Variants in P3H2 observed in about 807,000 individuals in gnomAD.
P3H2 encodes prolyl 3-hydroxylase 2.
Under a neutral mutation model 87.0 loss-of-function variants are expected in P3H2, and 80 were observed. The ratio of observed to expected loss-of-function variants is 0.92; its 90% confidence interval spans 0.77 to 1.11. The LOEUF (loss-of-function observed/expected upper bound fraction) is 1.11, where lower values mean the gene tolerates loss of function less well. Among genes scored for constraint, P3H2 ranks in the 50% least tolerant of loss-of-function variants. The pLI is 0.00. For synonymous variants in P3H2, 367 were observed against 359.3 expected (o/e 1.02, Z -0.24); for missense variants, 1,001 against 923.9 (o/e 1.08, Z -1.08).
At position 189,974,525 on chromosome 3, in the gene P3H2, G is replaced by C. The variant is rs377764873; in HGVS notation, c.1452+33C>G. On this transcript the variant is annotated intron_variant, in intron 9 of 14. Transcript: ENST00000319332. ...AGTTCCAGCTTCTTGGCAGGCCAGC[G>C]CAGTGAGCTCCCCTCCTTCTCCGGA... The C allele has an allele frequency of 1.9e-6, 3 of 1,612,196 alleles. No homozygotes were observed. The African/African-American group carries it at 4.0e-5, about 22-fold the overall frequency.
intron 1 of P3H2, among the ~76,000 whole-genome samples, chr3:190,058,108 A>G (rs181521825): frequency 1.3e-5 from 2 of 152,282 alleles, no homozygotes; most frequent in South Asian, 2.1e-4. Flanking sequence ...GAAAATCCCA[A>G]TATCACCTCA....
At chr3:190,065,759 C>T (rs1726478096) in intron 1 of P3H2, among the ~76,000 whole-genome samples, 1 of 152,074 alleles carries the variant, frequency 6.6e-6, no homozygotes, top group Non-Finnish European at 1.5e-5. Flanking sequence ...CAATAGCCTC[C>T]TATTTGGTCT....
chr3:189,987,479 TAAAAAAAAA>T, intron 5 of P3H2, 39 bp downstream of exon 5: 3 of 1,409,648 alleles, frequency 2.1e-6, no homozygotes, highest in Non-Finnish European at 2.9e-6. Context: ...AACTCTGTCT[TAAAAAAAAA>T]AAAAAAAAAA....
At chr3:190,075,881 T>C (rs1317863473) in intron 1 of P3H2, among the ~76,000 whole-genome samples, 1 of 152,178 alleles carries the variant, frequency 6.6e-6, no homozygotes, top group African/African-American at 2.4e-5. Context: ...AGGAATAATG[T>C]GATTGAATTT....
At chr3:190,102,168 G>A (rs750494050) in intron 1 of P3H2, among the ~76,000 whole-genome samples, 3 of 152,146 alleles carry the variant, frequency 2.0e-5, no homozygotes, top group East Asian at 1.9e-4. Flanking sequence ...AGAGATTAAC[G>A]TCGTTTTCCT....
At chr3:190,043,314 G>A (rs1725700035) in intron 1 of P3H2, among the ~76,000 whole-genome samples, 1 of 152,134 alleles carries the variant, frequency 6.6e-6, no homozygotes, top group Non-Finnish European at 1.5e-5. Context: ...TAAGGAACCA[G>A]AGTTGCTAAC....
chr3:190,107,307 C>T (rs1711882317), intron 1 of P3H2, among the ~76,000 whole-genome samples: 1 of 152,236 alleles, frequency 6.6e-6, no homozygotes, highest in Non-Finnish European at 1.5e-5. Flanking sequence ...CAAGTTATCT[C>T]GATAAAATAG....
intron 1 of P3H2, among the ~76,000 whole-genome samples, chr3:190,053,802 C>T (rs2108962569): frequency 6.6e-6 from 1 of 151,932 alleles, no homozygotes; most frequent in East Asian, 1.9e-4. Flanking sequence ...TTTATGGGGC[C>T]CAATTTGTTG....
Position 190,120,842 on chromosome 3 carries a change from G to T in P3H2, c.-111C>A, listed in dbSNP as rs1712552124. The T allele has an allele frequency of 6.3e-6, 9 of 1,431,064 alleles. No homozygotes were observed. The highest frequency in any genetic ancestry group is 5.6e-5 in the South Asian group (4 of 71,558). 88.6% of individuals were successfully genotyped at this position (1,431,064 alleles called of 1,614,324 possible). On this transcript the variant is annotated 5_prime_UTR_variant, in exon 1 of 15. Transcript: ENST00000319332. ...CGGGGAAGCGCGCCGACTCCGCCGCGATCTGGCCGCTCCGCGAGCCCCAGG... is the reference window on the plus strand; with the variant it reads ...CGGGGAAGCGCGCCGACTCCGCCGCTATCTGGCCGCTCCGCGAGCCCCAGG...
At chr3:190,040,075 T>C (rs1334983038) in intron 1 of P3H2, among the ~76,000 whole-genome samples, 1 of 152,206 alleles carries the variant, frequency 6.6e-6, no homozygotes, top group Non-Finnish European at 1.5e-5. Flanking sequence ...CCTTTTAATC[T>C]TTTTATATGT....
At position 189,971,800 on chromosome 3, in the gene P3H2, G is replaced by A. The variant is rs527331883; in HGVS notation, c.1817+90C>T. 2,379 of 819,624 alleles carry A rather than the reference G, an allele frequency of 2.9e-3. 7 individuals carry two copies. Among genetic ancestry groups the A allele is most frequent in the Non-Finnish European group, 2.9e-3 (1,333 of 458,410 alleles). 50.8% of individuals were successfully genotyped at this position (819,624 alleles called of 1,614,324 possible). A position where few individuals can be genotyped will look rare whatever the true frequency, so the allele number is the denominator to read the frequency against. The stretch of plus-strand genomic sequence containing the variant: ...ATTTCTGCCTTGGAGATATGAACAC[G>A]ACGTCAAGCAAAACAGAGCACCTTT... On this transcript the variant is annotated intron_variant, in intron 12 of 14. Transcript: ENST00000319332.
chr3:190,078,027 G>C (rs1466410480), intron 1 of P3H2, among the ~76,000 whole-genome samples: 2 of 152,118 alleles, frequency 1.3e-5, no homozygotes, highest in Non-Finnish European at 2.9e-5. Flanking sequence ...TAAATCAAGG[G>C]CCCTTCCTAT....
At chr3:189,985,329 C>CA (rs1404871521) in intron 6 of P3H2, among the ~76,000 whole-genome samples, 8 of 151,098 alleles carry the variant, frequency 5.3e-5, no homozygotes, top group African/African-American at 1.9e-4. Context: ...TGCTGGTCAT[C>CA]AAAAAAATTA....
chr3:190,093,313 A>G (rs1389020694), intron 1 of P3H2, among the ~76,000 whole-genome samples: 1 of 152,184 alleles, frequency 6.6e-6, no homozygotes, highest in Non-Finnish European at 1.5e-5. Context: ...GAGGAAAAGA[A>G]TGATCATCAA....
chr3:190,042,347 C>T (rs762553305), intron 1 of P3H2, among the ~76,000 whole-genome samples: 2 of 152,022 alleles, frequency 1.3e-5, no homozygotes, highest in African/African-American at 2.4e-5. Context: ...TCTGAGGACA[C>T]GGTTCCAAAA....
intron 6 of P3H2, among the ~76,000 whole-genome samples, chr3:189,985,591 C>CATATATAATT (rs1245195432): frequency 3.3e-5 from 5 of 149,254 alleles, no homozygotes; most frequent in Non-Finnish European, 1.5e-5. Context: ...TCTTAGTAAT[C>CATATATAATT]ATATATAATT....
At position 190,063,034 on chromosome 3, in the gene P3H2, A is replaced by G. The variant is rs906354743; in HGVS notation, c.480+57218T>C. ...AGACTTTTAATCAATCAGAGAAGTT[A>G]TATAAAGCTATTCTTCTATTAAGCC... On this transcript the variant is annotated intron_variant, in intron 1 of 14. Transcript: ENST00000319332. 2.0e-4 allele frequency among the ~76,000 whole-genome samples: 30 copies of G among 152,184 alleles called. 2 individuals carry two copies. The highest frequency in any genetic ancestry group is 1.5e-5 in the Non-Finnish European group (1 of 68,024).
intron 1 of P3H2, 139 bp from the exon 2 acceptor site, chr3:189,995,581 C>A (rs1279780623): frequency 2.1e-5 from 17 of 812,112 alleles, no homozygotes; most frequent in East Asian, 8.3e-5. Flanking sequence ...ATCAGACAGG[C>A]AATAAAAACA....
In P3H2 at chr3:190,120,445, G is replaced by GGCGGGA. The variant is rs759495546; in HGVS notation, c.281_286dup (p.Leu94_Pro95dup). On this transcript the variant is annotated inframe_insertion, in exon 1 of 15. Coordinates refer to ENST00000319332, the MANE Select transcript of P3H2 (RefSeq NM_018192.4). ...GCCGGGGCCCTCGCCGGGGGGCGGG[G>GGCGGGA]GCGGGAGCGGGTGGCGCGCCGCGCA... is the stretch of plus-strand genomic sequence containing the variant. 1.2e-4 allele frequency: 170 copies of GGCGGGA among 1,431,218 alleles called. 1 individual carries two copies. Among genetic ancestry groups the GGCGGGA allele is most frequent in the East Asian group, 2.0e-4 (7 of 34,282 alleles). 88.7% of individuals were successfully genotyped at this position (1,431,218 alleles called of 1,614,324 possible). A position where few individuals can be genotyped will look rare whatever the true frequency, so the allele number is the denominator to read the frequency against.
Sources: gnomAD v4.1 joint callset for allele counts (sites outside exome capture counted in the v4.1 genomes callset) on GRCh38, gnomAD v4.1.1 for gene constraint, MANE v1.5 for transcripts, NCBI Gene and HGNC (gene_info 2026-07-23, HGNC 2026-07-21) for gene names.